The following CFAP54 variants were observed in gnomAD, a reference collection of about 807,000 sequenced individuals.
CFAP54 encodes the protein cilia- and flagella-associated protein 54.
CFAP54 carries 290 observed loss-of-function variants against 370.4 expected under a neutral mutation model. The ratio of observed to expected loss-of-function variants is 0.78; its 90% confidence interval spans 0.71 to 0.86. The LOEUF is 0.86. Among genes scored for constraint, CFAP54 ranks in the 40% least tolerant of loss-of-function variants. CFAP54 has a pLI of 0.00. For missense variants in CFAP54, 3,399 were observed against 3,528.7 expected (o/e 0.96, Z 0.93); for synonymous variants, 1,206 against 1,236.5 (o/e 0.98, Z 0.52).
At chr12:96,848,767 C>A (rs1023709711) in intron 66 of CFAP54, among the ~76,000 whole-genome samples, 2 of 152,210 alleles carry the variant, frequency 1.3e-5, no homozygotes, top group African/African-American at 4.8e-5. Context: ...GTTTAAAAAA[C>A]CCCTTTTTTG....
At chr12:96,539,064 G>GTTTTTTTTT (rs1314197505) in intron 13 of CFAP54, among the ~76,000 whole-genome samples, 2,287 of 111,288 alleles carry the variant, frequency 0.021, 306 homozygotes, top group Middle Eastern at 0.024. Flanking sequence ...GCCTTTTCAG[G>GTTTTTTTTT]TTTTTTTTTT....
At chr12:96,676,087 T>C (rs1022859439) in intron 39 of CFAP54, among the ~76,000 whole-genome samples, 1 of 151,472 alleles carries the variant, frequency 6.6e-6, no homozygotes. Flanking sequence ...TAAAGTATAA[T>C]AAAAAAAGAT....
At chr12:96,722,931 G>A (rs924988275) in intron 50 of CFAP54, among the ~76,000 whole-genome samples, 9 of 151,536 alleles carry the variant, frequency 5.9e-5, no homozygotes, top group African/African-American at 2.2e-4. Context: ...TTATTTAGGG[G>A]AAACACCAGG....
intron 45 of CFAP54, among the ~76,000 whole-genome samples, chr12:96,699,201 C>A (rs1303421722): frequency 1.3e-5 from 2 of 152,208 alleles, no homozygotes; most frequent in Non-Finnish European, 2.9e-5. Flanking sequence ...TGCAATCAGT[C>A]TGATTGGTTG....
chr12:96,539,536 A>C (rs1454009169), intron 13 of CFAP54, among the ~76,000 whole-genome samples: 1 of 151,762 alleles, frequency 6.6e-6, no homozygotes, highest in Non-Finnish European at 1.5e-5. Context: ...TTAGCTGGAC[A>C]TGGTGGTGTG....
At chr12:96,688,520 G>C (rs562390669) in intron 42 of CFAP54, among the ~76,000 whole-genome samples, 1 of 152,282 alleles carries the variant, frequency 6.6e-6, no homozygotes, top group Admixed American at 6.5e-5. Context: ...ATATTTTTAT[G>C]TTATGGCACA....
intron 30 of CFAP54, among the ~76,000 whole-genome samples, chr12:96,629,236 C>G (rs1956577879): frequency 6.6e-6 from 1 of 152,070 alleles, no homozygotes; most frequent in Non-Finnish European, 1.5e-5. Context: ...TATAGAAAGC[C>G]CTATGGGAGC....
At chr12:96,769,569 A>G (rs1199459932) in intron 60 of CFAP54, among the ~76,000 whole-genome samples, 2 of 152,172 alleles carry the variant, frequency 1.3e-5, no homozygotes. Context: ...ACTGCCACAC[A>G]CAGCTGCGCA....
At chr12:96,835,276 G>A (rs1339719846) in intron 66 of CFAP54, among the ~76,000 whole-genome samples, 1 of 152,054 alleles carries the variant, frequency 6.6e-6, no homozygotes, top group African/African-American at 2.4e-5. Flanking sequence ...AGCAGAGAGG[G>A]TAGCTCCTCT....
At chr12:96,706,023 A>G (rs1957544024) in intron 47 of CFAP54, among the ~76,000 whole-genome samples, 1 of 151,692 alleles carries the variant, frequency 6.6e-6, no homozygotes, top group African/African-American at 2.4e-5. Context: ...TGCCTTATGT[A>G]TTAATTCAAC....
At chr12:96,651,863 C>T (rs541736990) in intron 36 of CFAP54, 48 bp downstream of exon 36, 13 of 1,182,928 alleles carry the variant, frequency 1.1e-5, no homozygotes, top group Admixed American at 4.1e-5. Context: ...TTAAAAATAT[C>T]GTACTGTGCA....
intron 60 of CFAP54, among the ~76,000 whole-genome samples, chr12:96,780,739 G>A (rs1958572633): frequency 6.6e-6 from 1 of 152,144 alleles, no homozygotes; most frequent in South Asian, 2.1e-4. Context: ...CACAGATAAC[G>A]AGGAGTTGAT....
At chr12:96,857,085 A>G (rs1417190083) in intron 66 of CFAP54, among the ~76,000 whole-genome samples, 2 of 152,120 alleles carry the variant, frequency 1.3e-5, no homozygotes, top group Admixed American at 6.5e-5. Flanking sequence ...CCCTTATAAA[A>G]CCATCAGATC....
intron 25 of CFAP54, 103 bp from the exon 26 acceptor site, chr12:96,598,542 A>G: frequency 2.3e-6 from 1 of 430,626 alleles, no homozygotes; most frequent in Middle Eastern, 4.8e-4. Flanking sequence ...TTGATAACAA[A>G]ATTTTATGTC....
At chr12:96,766,541 CACATTATTGT>C (rs907378196) in intron 60 of CFAP54, among the ~76,000 whole-genome samples, 27 of 152,222 alleles carry the variant, frequency 1.8e-4, no homozygotes, top group Middle Eastern at 3.4e-3. Context: ...CTTAGAAGCA[CACATTATTGT>C]ACAGTATTAA....
intron 12 of CFAP54, among the ~76,000 whole-genome samples, chr12:96,538,183 A>G (rs1435527461): frequency 6.6e-6 from 1 of 152,106 alleles, no homozygotes; most frequent in African/African-American, 2.4e-5. Context: ...TGTTGGGAAA[A>G]ATCACTTAAT....
At chr12:96,742,412 G>A (rs748538312) in intron 51 of CFAP54, 27 bp from the exon 52 acceptor site, 1 of 1,515,300 alleles carries the variant, frequency 6.6e-7, no homozygotes, top group Non-Finnish European at 9.1e-7. Flanking sequence ...TAAATGGAAA[G>A]ATAACCATCA....
chr12:96,771,390 C>T (rs1021223586), intron 60 of CFAP54, among the ~76,000 whole-genome samples: 2 of 152,334 alleles, frequency 1.3e-5, no homozygotes, highest in African/African-American at 4.8e-5. Context: ...CAGTGGCTCA[C>T]GCCTGTAATC....
intron 29 of CFAP54, among the ~76,000 whole-genome samples, chr12:96,626,308 T>C (rs150277245): frequency 5.0e-4 from 75 of 151,240 alleles, no homozygotes; most frequent in African/African-American, 1.7e-3. Context: ...ATCACTTGAA[T>C]CTGGGAGGCA....
Sources: gnomAD v4.1 joint callset for allele counts (sites outside exome capture counted in the v4.1 genomes callset) on GRCh38, gnomAD v4.1.1 for gene constraint, MANE v1.5 for transcripts, NCBI Gene and HGNC (gene_info 2026-07-23, HGNC 2026-07-21) for gene names.